Variants in ULK4 observed in about 807,000 individuals in gnomAD.
The protein encoded by ULK4 is inactive serine/threonine-protein kinase ULK4.
In ULK4, 133 loss-of-function variants were observed where a neutral mutation model predicts 160.6. The observed-to-expected ratio is 0.83, with a 90% CI of 0.72 to 0.96. The LOEUF is 0.96. Ranked by LOEUF, ULK4 falls within the 40% of genes least tolerant of loss-of-function variation. ULK4 has a pLI of 0.00. For synonymous variants in ULK4, 534 were observed against 539.8 expected, an observed-to-expected ratio of 0.99 and a Z score of 0.15; for missense variants, 1,580 against 1,499.5, an observed-to-expected ratio of 1.05 and a Z score of -0.89.
At chr3:41,913,516 T>C (rs1243048716) in intron 8 of ULK4, among the ~76,000 whole-genome samples, 1 of 152,160 alleles carries the variant, frequency 6.6e-6, no homozygotes, top group Non-Finnish European at 1.5e-5. Context: ...TGAGCCACCG[T>C]GCTCAGCGTA....
At chr3:41,351,764 C>G (rs766890229) in intron 35 of ULK4, among the ~76,000 whole-genome samples, 16 of 152,128 alleles carry the variant, frequency 1.1e-4, no homozygotes, top group Admixed American at 7.9e-4. Flanking sequence ...GAAGGTGCTC[C>G]CTTTCCCATC....
intron 35 of ULK4, among the ~76,000 whole-genome samples, chr3:41,373,769 C>T (rs928862956): frequency 2.0e-5 from 3 of 151,942 alleles, no homozygotes; most frequent in African/African-American, 7.3e-5. Flanking sequence ...TAGCAGAAGG[C>T]AAGAAATAAC....
intron 35 of ULK4, among the ~76,000 whole-genome samples, chr3:41,304,019 C>T (rs1226185192): frequency 6.6e-6 from 1 of 152,010 alleles, no homozygotes; most frequent in East Asian, 1.9e-4. Context: ...GCCTGTAATC[C>T]CAGCACTTTG....
intron 29 of ULK4, among the ~76,000 whole-genome samples, chr3:41,679,963 C>T (rs2125788284): frequency 6.6e-6 from 1 of 152,276 alleles, no homozygotes; most frequent in Non-Finnish European, 1.5e-5. Flanking sequence ...ATCTTCCAGT[C>T]TCATCTTCCC....
chr3:41,274,037 A>C (rs1017859604), intron 35 of ULK4, among the ~76,000 whole-genome samples: 2 of 151,322 alleles, frequency 1.3e-5, no homozygotes, highest in African/African-American at 4.9e-5. Flanking sequence ...TTTTTTTTTT[A>C]TACTAACACA....
At chr3:41,912,328 C>CAAAAAAAAAA (rs1223106095) in intron 9 of ULK4, among the ~76,000 whole-genome samples, 1 of 88,258 alleles carries the variant, frequency 1.1e-5, no homozygotes, top group African/African-American at 3.6e-5. Context: ...GACGTTGTCT[C>CAAAAAAAAAA]AAAAAAAAAA....
intron 35 of ULK4, among the ~76,000 whole-genome samples, chr3:41,286,776 G>A (rs1247625215): frequency 2.0e-5 from 3 of 152,128 alleles, no homozygotes; most frequent in Non-Finnish European, 4.4e-5. Context: ...CCACACTTGT[G>A]GCCTCCTCTC....
At chr3:41,292,673 T>A (rs985178907) in intron 35 of ULK4, among the ~76,000 whole-genome samples, 6 of 151,918 alleles carry the variant, frequency 3.9e-5, no homozygotes, top group Non-Finnish European at 8.8e-5. Context: ...AGACCAGATG[T>A]GGTGGCTCAC....
chr3:41,294,233 C>T (rs1404327177), intron 35 of ULK4, among the ~76,000 whole-genome samples: 1 of 152,168 alleles, frequency 6.6e-6, no homozygotes, highest in Non-Finnish European at 1.5e-5. Context: ...TGGGTTTGCT[C>T]TCTTCTGCCA....
chr3:41,649,894 T>C lies in ULK4; in HGVS notation c.3071+13713A>G, dbSNP rs568327383. Among the ~76,000 whole-genome samples, 7 of 152,354 alleles carry C rather than the reference T, an allele frequency of 4.6e-5. No homozygotes were observed. In the South Asian group the frequency reaches 1.5e-3, roughly 32 times the overall value. On this transcript the variant is annotated intron_variant, in intron 30 of 36. Transcript: ENST00000301831. ...GTACATGGCCCAGAGTGAGAACTTA[T>C]GGTGCTTTTTCCACCCATGAACCGA...
intron 32 of ULK4, among the ~76,000 whole-genome samples, chr3:41,486,644 A>G (rs1472007218): frequency 6.6e-6 from 1 of 152,128 alleles, no homozygotes; most frequent in African/African-American, 2.4e-5. Context: ...TTTTATTTCT[A>G]TAGTTGGTCC....
chr3:41,918,050 A>G (rs938794234), intron 7 of ULK4, among the ~76,000 whole-genome samples: 2 of 151,974 alleles, frequency 1.3e-5, no homozygotes, highest in South Asian at 4.1e-4. Context: ...TTTAAAACTT[A>G]TAAGGGTAGC....
chr3:41,425,943 T>C (rs2082767389), intron 34 of ULK4, among the ~76,000 whole-genome samples: 1 of 152,114 alleles, frequency 6.6e-6, no homozygotes, highest in Non-Finnish European at 1.5e-5. Context: ...CAACCTTAAA[T>C]GTAAAACAGC....
chr3:41,648,459 T>C (rs1469571453), intron 30 of ULK4, among the ~76,000 whole-genome samples: 1 of 152,226 alleles, frequency 6.6e-6, no homozygotes, highest in Non-Finnish European at 1.5e-5. Context: ...ATGTTAGTCA[T>C]TGTTTTTATA....
chr3:41,491,815 T>G (rs1188771871), intron 32 of ULK4, among the ~76,000 whole-genome samples: 1 of 152,018 alleles, frequency 6.6e-6, no homozygotes, highest in African/African-American at 2.4e-5. Flanking sequence ...TGTGCCATGT[T>G]GGTGTGCTGC....
At chr3:41,755,729 T>C (rs2038776619) in intron 21 of ULK4, among the ~76,000 whole-genome samples, 1 of 152,178 alleles carries the variant, frequency 6.6e-6, no homozygotes, top group Non-Finnish European at 1.5e-5. Flanking sequence ...TAAAAAGACA[T>C]GATAACTGAC....
intron 21 of ULK4, among the ~76,000 whole-genome samples, chr3:41,760,289 G>A (rs1341464176): frequency 6.6e-6 from 1 of 152,166 alleles, no homozygotes; most frequent in Non-Finnish European, 1.5e-5. Flanking sequence ...TAGAGCAACT[G>A]AAGTTTTTCA....
At chr3:41,408,165 A>G (rs2082331985) in intron 34 of ULK4, among the ~76,000 whole-genome samples, 1 of 151,980 alleles carries the variant, frequency 6.6e-6, no homozygotes, top group Non-Finnish European at 1.5e-5. Flanking sequence ...ACGGTGGCTC[A>G]TGCCTGTAAT....
At chr3:41,906,061 C>T (rs1447645889) in intron 12 of ULK4, among the ~76,000 whole-genome samples, 1 of 151,574 alleles carries the variant, frequency 6.6e-6, no homozygotes, top group African/African-American at 2.4e-5. Flanking sequence ...ACTAAAAACA[C>T]AAAAAATTAG....
Sources: gnomAD v4.1 joint callset for allele counts (sites outside exome capture counted in the v4.1 genomes callset) on GRCh38, gnomAD v4.1.1 for gene constraint, MANE v1.5 for transcripts, NCBI Gene and HGNC (gene_info 2026-07-23, HGNC 2026-07-21) for gene names.